Variants in NFIA observed in about 807,000 individuals in gnomAD.
The protein encoded by NFIA is nuclear factor 1 A-type.
NFIA carries 8 observed loss-of-function variants against 62.8 expected under a neutral mutation model. The observed-to-expected ratio is 0.13, with a 90% CI of 0.07 to 0.23. NFIA has a LOEUF of 0.23. NFIA is among the 10% of genes least tolerant of loss of function. The probability of loss-of-function intolerance (pLI) is 1.00; values close to 1 mark genes in which losing one functional copy is unlikely to be tolerated. For missense variants in NFIA, 410 were observed against 642.1 expected (o/e 0.64, Z 3.91); for synonymous variants, 235 against 238.1 (o/e 0.99, Z 0.12).
At chr1:61,164,449 GT>G (rs920848013) in intron 2 of NFIA, among the ~76,000 whole-genome samples, 1 of 151,382 alleles carries the variant, frequency 6.6e-6, no homozygotes, top group African/African-American at 2.4e-5. Flanking sequence ...GTTGTTATGT[GT>G]TTTTTTTGTT....
intron 2 of NFIA, among the ~76,000 whole-genome samples, chr1:61,170,598 G>A (rs1483451297): frequency 1.3e-5 from 2 of 152,088 alleles, no homozygotes; most frequent in African/African-American, 4.8e-5. Flanking sequence ...CTGGGAATAT[G>A]CCCTCCCCCA....
intron 2 of NFIA, among the ~76,000 whole-genome samples, chr1:61,252,117 TCA>T (rs1254205403): frequency 1.3e-5 from 2 of 152,206 alleles, no homozygotes; most frequent in Non-Finnish European, 2.9e-5. Context: ...CAATTCCTAC[TCA>T]CAATATCCAT....
Position 61,406,547 on chromosome 1 carries a change from C to CA in NFIA, c.1255-15_1255-14insA, listed in dbSNP as rs772867079. On this transcript the variant is annotated splice_polypyrimidine_tract_variant and intron_variant, in intron 8 of 10. Transcript: ENST00000403491. ...TTTCTTGTACGTGTGTTTTCTGCCC[C>CA]CCCCCCCCCCACAGCCCAATGGGAG... is the stretch of plus-strand genomic sequence containing the variant. 3.7e-6 allele frequency: 3 copies of CA among 800,014 alleles called. No individual in the cohort carries two copies. Among genetic ancestry groups the CA allele is most frequent in the Non-Finnish European group, 5.3e-6 (3 of 564,504 alleles). The allele number at this position is 800,014 out of a possible 1,614,324, so 49.6% of individuals were successfully genotyped here. A position where few individuals can be genotyped will look rare whatever the true frequency, so the allele number is the denominator to read the frequency against.
Position 61,382,006 on chromosome 1 carries a change from C to T in NFIA, c.947-1231C>T, listed in dbSNP as rs74086942. On this transcript the variant is annotated intron_variant, in intron 6 of 10. Coordinates refer to ENST00000403491, the MANE Select transcript of NFIA (RefSeq NM_001134673.4). ...ATTTTTATTACTTTTCCAGTTCATC[C>T]AAATAATTCTCTGGTCATGGGCAGA... 8.3e-3 allele frequency among the ~76,000 whole-genome samples: 1,256 copies of T among 152,184 alleles called. 20 individuals carry two copies. Among genetic ancestry groups the T allele is most frequent in the African/African-American group, 0.028 (1,181 of 41,530 alleles).
intron 10 of NFIA, among the ~76,000 whole-genome samples, chr1:61,428,283 A>G (rs772627852): frequency 3.3e-5 from 5 of 152,130 alleles, no homozygotes; most frequent in Non-Finnish European, 7.4e-5. Context: ...CTGAGTTTTC[A>G]TAATGCTGAC....
chr1:61,179,674 C>T (rs142549923), intron 2 of NFIA, among the ~76,000 whole-genome samples: 58 of 152,244 alleles, frequency 3.8e-4, no homozygotes, highest in Non-Finnish European at 6.2e-4. Flanking sequence ...AATATCCTGA[C>T]GCTTTGAAAG....
intron 7 of NFIA, among the ~76,000 whole-genome samples, chr1:61,395,288 G>GTTT (rs1303184667): frequency 8.3e-4 from 112 of 135,664 alleles, no homozygotes; most frequent in African/African-American, 2.8e-3. Flanking sequence ...GTGTGTGTGT[G>GTTT]TTTTTTTTTT....
At position 61,414,980 on chromosome 1, in the gene NFIA, T is replaced by C. The variant is rs555719602; in HGVS notation, c.1420+8253T>C. On this transcript the variant is annotated intron_variant, in intron 9 of 10. Coordinates refer to ENST00000403491, the MANE Select transcript of NFIA (RefSeq NM_001134673.4). ...CCTACTCTTAGTTTAAAGTCTGATG[T>C]CACTTAGTGCCAGGGAACTTATTTT... 4.6e-5 allele frequency among the ~76,000 whole-genome samples: 7 copies of C among 152,306 alleles called. No homozygotes were observed. The East Asian group carries it at 1.4e-3, about 29-fold the overall frequency.
At chr1:61,324,275 C>A (rs1020815055) in intron 3 of NFIA, among the ~76,000 whole-genome samples, 1 of 152,176 alleles carries the variant, frequency 6.6e-6, no homozygotes, top group Non-Finnish European at 1.5e-5. Context: ...ATATAAACAG[C>A]GTGAGAAGGA....
intron 2 of NFIA, among the ~76,000 whole-genome samples, chr1:61,156,158 A>G (rs2100528951): frequency 6.6e-6 from 1 of 152,340 alleles, no homozygotes; most frequent in South Asian, 2.1e-4. Flanking sequence ...AAAACCCTTG[A>G]GAAAACTTTA....
intron 4 of NFIA, among the ~76,000 whole-genome samples, chr1:61,336,805 T>G (rs977671749): frequency 2.0e-5 from 3 of 152,174 alleles, no homozygotes; most frequent in African/African-American, 7.2e-5. Context: ...CTGTTATCTA[T>G]CCCAGCCCCA....
chr1:61,112,521 T>G (rs1646714019), intron 2 of NFIA, among the ~76,000 whole-genome samples: 2 of 152,152 alleles, frequency 1.3e-5, no homozygotes, highest in African/African-American at 2.4e-5. Context: ...TTTTGGCTAT[T>G]GCTGGACTCT....
At position 61,455,409 on chromosome 1, in the gene NFIA, A is replaced by G; in HGVS notation, c.*89A>G. The G allele has an allele frequency of 6.2e-7, 1 of 1,603,928 alleles. No individual in the cohort carries two copies. Among genetic ancestry groups the G allele is most frequent in the Non-Finnish European group, 8.5e-7 (1 of 1,173,996 alleles). The stretch of plus-strand genomic sequence containing the variant: ...GACGCAACCTCAACCCAGCGCAGTT[A>G]CAACTTCACTATCAGCGGAAGGGGA... On this transcript the variant is annotated 3_prime_UTR_variant, in exon 11 of 11. Transcript: ENST00000403491.
chr1:61,444,816 C>T (rs960850816), intron 10 of NFIA, among the ~76,000 whole-genome samples: 1 of 152,130 alleles, frequency 6.6e-6, no homozygotes, highest in Non-Finnish European at 1.5e-5. Flanking sequence ...ATTTCCTATC[C>T]ATATGGCGAT....
intron 2 of NFIA, among the ~76,000 whole-genome samples, chr1:61,204,083 A>G (rs931642445): frequency 6.6e-5 from 10 of 152,330 alleles, no homozygotes; most frequent in Admixed American, 2.6e-4. Flanking sequence ...TTTGCCACCA[A>G]CTGCCTAGCA....
rs1430341184 is a variant in NFIA, at chr1:61,385,958, T to A, written c.1075+2593T>A. 3 of 152,298 alleles carry A rather than the reference T, an allele frequency of 2.0e-5. No homozygotes were observed. The East Asian group carries it at 5.8e-4, about 29-fold the overall frequency. 9.4% of individuals were successfully genotyped at this position (152,298 alleles called of 1,614,324 possible). ...TCTTACCGTGTCCCACCCCGCTTAG[T>A]GGTCTGGTGAAGGGAATTGGAGTAG... On this transcript the variant is annotated intron_variant, in intron 7 of 10. Coordinates refer to ENST00000403491, the MANE Select transcript of NFIA (RefSeq NM_001134673.4).
At chr1:61,133,270 GTTT>G (rs932007932) in intron 2 of NFIA, among the ~76,000 whole-genome samples, 1 of 146,038 alleles carries the variant, frequency 6.8e-6, no homozygotes, top group Non-Finnish European at 1.5e-5. Flanking sequence ...AGTGGCTGGA[GTTT>G]TTTTTTTTCT....
chr1:61,395,535 A>G (rs923889509), intron 7 of NFIA, among the ~76,000 whole-genome samples: 1 of 151,988 alleles, frequency 6.6e-6, no homozygotes, highest in African/African-American at 2.4e-5. Flanking sequence ...TTTGTTTTTC[A>G]TTCTTCATTT....
chr1:61,349,116 A>G (rs986055461), intron 4 of NFIA, among the ~76,000 whole-genome samples: 3 of 152,204 alleles, frequency 2.0e-5, no homozygotes, highest in African/African-American at 7.2e-5. Flanking sequence ...ATACATAAAG[A>G]TTACCTAATA....
Sources: gnomAD v4.1 joint callset for allele counts (sites outside exome capture counted in the v4.1 genomes callset) on GRCh38, gnomAD v4.1.1 for gene constraint, MANE v1.5 for transcripts, NCBI Gene and HGNC (gene_info 2026-07-23, HGNC 2026-07-21) for gene names.